Variants in LRFN2 observed in about 807,000 individuals in gnomAD.
LRFN2 encodes the protein leucine-rich repeat and fibronectin type-III domain-containing protein 2.
LRFN2 carries 18 observed loss-of-function variants against 37.3 expected under a neutral mutation model. That is an observed-to-expected ratio of 0.48 (90% confidence interval 0.33 to 0.72). The LOEUF (loss-of-function observed/expected upper bound fraction) is 0.72. Ranked by LOEUF, LRFN2 falls within the 30% of genes least tolerant of loss-of-function variation. LRFN2 has a pLI of 0.02. For synonymous variants in LRFN2, 556 were observed against 466.6 expected (o/e 1.19, Z -2.47); for missense variants, 1,006 against 1,060.7 (o/e 0.95, Z 0.72).
At position 40,513,816 on chromosome 6, in the gene LRFN2, C is replaced by T. The variant is rs117019357; in HGVS notation, c.-19+73125G>A. On this transcript the variant is annotated intron_variant, in intron 1 of 2. Coordinates refer to ENST00000338305, the MANE Select transcript of LRFN2 (RefSeq NM_020737.3). ...ATGAGGGCAAGATCAAGAGAAACTT[C>T]CCAAAACTGATATCCAGCCTGAACC... Among the ~76,000 whole-genome samples the T allele has an allele frequency of 2.9e-4, 44 of 151,970 alleles. No homozygotes were observed. The East Asian group carries it at 6.0e-3, about 21-fold the overall frequency.
chr6:40,451,810 C>A (rs1764117281), intron 1 of LRFN2, among the ~76,000 whole-genome samples: 1 of 152,164 alleles, frequency 6.6e-6, no homozygotes, highest in Non-Finnish European at 1.5e-5. Context: ...CTAGGAGACC[C>A]AAAGTACAAA....
chr6:40,470,876 T>C (rs1291942764), intron 1 of LRFN2, among the ~76,000 whole-genome samples: 23 of 152,118 alleles, frequency 1.5e-4, no homozygotes, highest in Admixed American at 1.5e-3. Flanking sequence ...GGTCAGGACA[T>C]AGGGTGGGTG....
At chr6:40,489,992 G>A (rs765093013) in intron 1 of LRFN2, among the ~76,000 whole-genome samples, 6 of 152,124 alleles carry the variant, frequency 3.9e-5, no homozygotes, top group Non-Finnish European at 7.3e-5. Flanking sequence ...TTCCCTCTAT[G>A]CCTCTCTGCC....
Position 40,391,850 on chromosome 6 carries a change from A to T in LRFN2, c.*93T>A. On this transcript the variant is annotated 3_prime_UTR_variant, in exon 3 of 3. Transcript: ENST00000338305. ...GAGACGAAACTGTCCCTGGATGTAAACATCACCATGGAAACTCCACAAACA... is the reference window on the plus strand; with the variant it reads ...GAGACGAAACTGTCCCTGGATGTAATCATCACCATGGAAACTCCACAAACA... 1 of 1,341,064 alleles carries T rather than the reference A, an allele frequency of 7.5e-7. No homozygotes were observed. The highest frequency in any genetic ancestry group is 1.0e-6 in the Non-Finnish European group (1 of 999,226). 83.1% of individuals were successfully genotyped at this position (1,341,064 alleles called of 1,614,324 possible).
chr6:40,431,820 T>C lies in LRFN2; in HGVS notation c.1294A>G (p.Thr432Ala). The change falls in exon 2 of 3, where the codon ACC (threonine) becomes GCC (alanine). Residue 432 changes from threonine (T) to alanine (A), a missense_variant. By Grantham distance (58) the Thr-to-Ala change is moderately conservative. This residue lies in a region of LRFN2 where 120 missense variants were observed against 178.4 expected (regional missense o/e 0.67). Transcript: ENST00000338305. ...CACTTGACCAGGGCCGAGGTGGTGGTCACTTCAGACACAAGCACAGCCCGT... is the reference window on the plus strand; with the variant it reads ...CACTTGACCAGGGCCGAGGTGGTGGCCACTTCAGACACAAGCACAGCCCGT... ...PERAVLVSEV[T>A]TTSALVKWSV... The C allele has an allele frequency of 6.4e-7, 1 of 1,553,574 alleles. No homozygotes were observed. Among genetic ancestry groups the C allele is most frequent in the Non-Finnish European group, 8.7e-7 (1 of 1,148,454 alleles).
In LRFN2 at chr6:40,582,418, C is replaced by T. The variant is rs187774926; in HGVS notation, c.-19+4523G>A. On this transcript the variant is annotated intron_variant, in intron 1 of 2. Transcript: ENST00000338305. ...TATTGGAAGGTTGCCAGGGAGGCCC[C>T]GGCTCTCCTGCAGACAATCCCAAGC... Among the ~76,000 whole-genome samples the T allele has an allele frequency of 2.5e-3, 376 of 151,862 alleles. 2 individuals are homozygous for T. The highest frequency in any genetic ancestry group is 3.0e-3 in the Non-Finnish European group (201 of 67,964).
chr6:40,416,044 C>A (rs562011064), intron 2 of LRFN2, among the ~76,000 whole-genome samples: 1 of 152,274 alleles, frequency 6.6e-6, no homozygotes, highest in Non-Finnish European at 1.5e-5. Flanking sequence ...AGTCTCACTT[C>A]TTTGCCCAGG....
At chr6:40,485,449 G>A (rs1581741695) in intron 1 of LRFN2, among the ~76,000 whole-genome samples, 1 of 152,184 alleles carries the variant, frequency 6.6e-6, no homozygotes, top group East Asian at 1.9e-4. Context: ...AAAATGCTAA[G>A]CTGAGTAATC....
At chr6:40,402,895 G>A (rs544498391) in intron 2 of LRFN2, among the ~76,000 whole-genome samples, 6 of 152,202 alleles carry the variant, frequency 3.9e-5, no homozygotes, top group East Asian at 1.9e-4. Context: ...TCTGAGGGAA[G>A]TGAGGGAACC....
chr6:40,464,979 G>A (rs1764426507), intron 1 of LRFN2, among the ~76,000 whole-genome samples: 1 of 152,180 alleles, frequency 6.6e-6, no homozygotes. Context: ...TAAGGTTGCA[G>A]ATATAATTAA....
rs147683432 is a variant in LRFN2, at chr6:40,413,940, C to T, written c.1400+17774G>A. Among the ~76,000 whole-genome samples the T allele has an allele frequency of 2.1e-3, 321 of 152,234 alleles. 3 individuals carry two copies. Among genetic ancestry groups the T allele is most frequent in the African/African-American group, 7.0e-3 (292 of 41,528 alleles). On this transcript the variant is annotated intron_variant, in intron 2 of 2. Transcript: ENST00000338305. ...GTTCCGGGGTTGTTAGTAGATTGGG[C>T]GACCAGGAAGGGGACAGGGTTGAAG...
chr6:40,413,293 C>T (rs549425258), intron 2 of LRFN2, among the ~76,000 whole-genome samples: 13 of 152,334 alleles, frequency 8.5e-5, no homozygotes, highest in African/African-American at 3.1e-4. Flanking sequence ...CTGTTGTTCC[C>T]TCTGCTGTAT....
chr6:40,482,470 C>A (rs1213406535), intron 1 of LRFN2, among the ~76,000 whole-genome samples: 1 of 152,200 alleles, frequency 6.6e-6, no homozygotes, highest in Non-Finnish European at 1.5e-5. Context: ...CCTGACACAC[C>A]CCCACCTGCC....
intron 1 of LRFN2, among the ~76,000 whole-genome samples, chr6:40,452,684 G>A (rs1262722767): frequency 6.6e-6 from 1 of 152,192 alleles, no homozygotes; most frequent in African/African-American, 2.4e-5. Context: ...CAGACCACAA[G>A]TAGCATAGAA....
intron 1 of LRFN2, among the ~76,000 whole-genome samples, chr6:40,577,367 G>A (rs1244065152): frequency 3.3e-5 from 5 of 151,954 alleles, no homozygotes; most frequent in African/African-American, 9.7e-5. Flanking sequence ...CTCCCAAAGT[G>A]CTGGGATTAC....
At chr6:40,548,440 C>CAAAAAA (rs67639435) in intron 1 of LRFN2, among the ~76,000 whole-genome samples, 2 of 142,650 alleles carry the variant, frequency 1.4e-5, no homozygotes, top group African/African-American at 5.1e-5. Context: ...GACTCCATCT[C>CAAAAAA]AAAAAAAAAA....
intron 1 of LRFN2, among the ~76,000 whole-genome samples, chr6:40,539,453 A>G (rs1008474101): frequency 2.0e-5 from 3 of 152,254 alleles, no homozygotes; most frequent in Non-Finnish European, 4.4e-5. Flanking sequence ...ATCCACTCTC[A>G]GCAGCCTTGG....
intron 1 of LRFN2, among the ~76,000 whole-genome samples, chr6:40,465,228 C>T (rs1178182404): frequency 6.6e-6 from 1 of 152,104 alleles, no homozygotes; most frequent in African/African-American, 2.4e-5. Flanking sequence ...ACCCTAGAGC[C>T]CCCTGAAAGG....
At chr6:40,538,425 A>G (rs1381466254) in intron 1 of LRFN2, among the ~76,000 whole-genome samples, 1 of 152,092 alleles carries the variant, frequency 6.6e-6, no homozygotes, top group African/African-American at 2.4e-5. Context: ...GGATTCCTGC[A>G]CCCCAACATG....
Sources: allele counts gnomAD v4.1 joint callset (sites outside exome capture counted in the v4.1 genomes callset), GRCh38; gene constraint gnomAD v4.1.1; regional missense constraint gnomAD v4.1.1; transcripts MANE v1.5; gene names NCBI Gene and HGNC (gene_info 2026-07-23, HGNC 2026-07-21).